The following ATRNL1 variants were observed in gnomAD, a reference collection of about 807,000 sequenced individuals.
The protein encoded by ATRNL1 is attractin-like protein 1.
ATRNL1 carries 95 observed loss-of-function variants against 182.7 expected under a neutral mutation model. The observed-to-expected ratio is 0.52, with a 90% CI of 0.44 to 0.62. ATRNL1 has a LOEUF of 0.62. Ranked by LOEUF, ATRNL1 falls within the 20% of genes least tolerant of loss-of-function variation. The probability of loss-of-function intolerance (pLI) is 0.00; values close to 1 mark genes in which losing one functional copy is unlikely to be tolerated. For synonymous variants in ATRNL1, 576 were observed against 568.3 expected (o/e 1.01, Z -0.19); for missense variants, 1,471 against 1,679.5 (o/e 0.88, Z 2.17).
At chr10:115,825,284 G>T (rs891831423) in intron 27 of ATRNL1, among the ~76,000 whole-genome samples, 2 of 152,088 alleles carry the variant, frequency 1.3e-5, no homozygotes, top group Non-Finnish European at 2.9e-5. Context: ...CCTGTCGGGG[G>T]TTGGGGGACT....
intron 28 of ATRNL1, among the ~76,000 whole-genome samples, chr10:115,852,381 G>C (rs1434219148): frequency 1.3e-5 from 2 of 152,150 alleles, no homozygotes; most frequent in Non-Finnish European, 2.9e-5. Context: ...TACTCATGGT[G>C]TCATGGATGT....
At chr10:115,611,273 G>A (rs1857144463) in intron 26 of ATRNL1, among the ~76,000 whole-genome samples, 1 of 152,010 alleles carries the variant, frequency 6.6e-6, no homozygotes, top group Non-Finnish European at 1.5e-5. Context: ...TTAATTATAA[G>A]TAGTATTTCG....
At chr10:115,633,665 C>T (rs1858668978) in intron 26 of ATRNL1, among the ~76,000 whole-genome samples, 1 of 152,076 alleles carries the variant, frequency 6.6e-6, no homozygotes, top group Admixed American at 6.6e-5. Context: ...GACTCCCAAA[C>T]CATCCTGTTT....
intron 8 of ATRNL1, among the ~76,000 whole-genome samples, chr10:115,207,719 T>C (rs1035693013): frequency 2.0e-5 from 3 of 152,046 alleles, no homozygotes; most frequent in Non-Finnish European, 2.9e-5. Flanking sequence ...TCCACTGTCC[T>C]CTGACTTGCA....
At chr10:115,188,776 G>A (rs1592232419) in intron 8 of ATRNL1, among the ~76,000 whole-genome samples, 1 of 151,744 alleles carries the variant, frequency 6.6e-6, no homozygotes, top group East Asian at 1.9e-4. Context: ...GTGTAAATTG[G>A]ACATTGATTT....
Position 115,519,294 on chromosome 10 carries a change from AC to A in ATRNL1, c.3688del (p.Val1231CysfsTer54). The A allele has an allele frequency of 6.2e-7, 1 of 1,610,366 alleles. No homozygotes were observed. Among genetic ancestry groups the A allele is most frequent in the Non-Finnish European group, 8.5e-7 (1 of 1,178,698 alleles). ...IAFSQHNTIM[D>X]LVQFFVTFFS... is the part of the protein sequence containing the mutation. ...TTCTCACAACACAATACAATCATGG[AC>A]CTTGTGCAGTTTTTTGTCACCTTCT... On this transcript the variant is annotated frameshift_variant, in exon 25 of 29. Coordinates refer to ENST00000355044, the MANE Select transcript of ATRNL1 (RefSeq NM_207303.4). LOFTEE classifies it high-confidence loss of function.
chr10:115,861,939 T>A (rs1327857879), intron 28 of ATRNL1, among the ~76,000 whole-genome samples: 1 of 152,072 alleles, frequency 6.6e-6, no homozygotes, highest in Non-Finnish European at 1.5e-5. Context: ...CCCCCATCTC[T>A]ACAAAAATTA....
At chr10:115,575,859 C>T (rs1854673961) in intron 26 of ATRNL1, among the ~76,000 whole-genome samples, 1 of 151,948 alleles carries the variant, frequency 6.6e-6, no homozygotes, top group South Asian at 2.1e-4. Context: ...GTCATCCTAC[C>T]TAACTTCAAG....
chr10:115,132,589 C>T (rs1554875517), intron 5 of ATRNL1, among the ~76,000 whole-genome samples: 2 of 152,062 alleles, frequency 1.3e-5, no homozygotes, highest in Non-Finnish European at 2.9e-5. Context: ...CTCTCCAGCA[C>T]CTGTTGTTTC....
chr10:115,479,132 G>A (rs1052815262), intron 24 of ATRNL1, among the ~76,000 whole-genome samples: 2 of 151,594 alleles, frequency 1.3e-5, no homozygotes, highest in Non-Finnish European at 3.0e-5. Flanking sequence ...TTATAAAGAT[G>A]TTTGAGGAAT....
Position 115,093,876 on chromosome 10 carries a change from G to T in ATRNL1, c.126G>T (p.Trp42Cys). ...ASSWLLDGNS[W>C]LLCYGFLYLA... ...CCTGGCTGCTGGACGGGAACAGCTG[G>T]CTGCTGTGCTATGGCTTCCTCTACC... is the stretch of plus-strand genomic sequence containing the variant. The change falls in exon 1 of 29, where the codon TGG (tryptophan) becomes TGT (cysteine). Residue 42 changes from tryptophan to cysteine, a missense_variant. By Grantham distance (215) the Trp-to-Cys change is radical (BLOSUM62 -2). Transcript: ENST00000355044. The surrounding 1 kb of genome is among the most constrained non-coding windows in gnomAD (Gnocchi z 6.1). 1 of 1,584,976 alleles carries T rather than the reference G, an allele frequency of 6.3e-7. No individual in the cohort carries two copies. The highest frequency in any genetic ancestry group is 8.6e-7 in the Non-Finnish European group (1 of 1,168,296).
At chr10:115,252,732 A>G (rs1231008684) in intron 10 of ATRNL1, among the ~76,000 whole-genome samples, 1 of 152,158 alleles carries the variant, frequency 6.6e-6, no homozygotes, top group African/African-American at 2.4e-5. Flanking sequence ...TATGGTACTG[A>G]GGAGACCCTC....
At chr10:115,685,231 G>T (rs2420102) in intron 26 of ATRNL1, among the ~76,000 whole-genome samples, 53,926 of 151,474 alleles carry the variant, frequency 0.36, 10,320 homozygotes, top group Admixed American at 0.53. Flanking sequence ...ATACCCTTTT[G>T]TAGCAAAATC....
At position 115,241,682 on chromosome 10, in the gene ATRNL1, C is replaced by T. The variant is rs41284362; in HGVS notation, c.1644C>T (p.Asn548=). The change falls in exon 10 of 29, where the codon AAC becomes AAT. Residue 548 remains asparagine (N), a synonymous_variant. Coordinates refer to ENST00000355044, the MANE Select transcript of ATRNL1 (RefSeq NM_207303.4). Reference sequence around the variant, plus strand: ...CCCATAATGACACTTCCTTGAGTAACGGTGCAAAATGTTTTTCTGCCGATT... The same window carrying T: ...CCCATAATGACACTTCCTTGAGTAATGGTGCAAAATGTTTTTCTGCCGATT... ...GNTHNDTSLS[N]GAKCFSADFL... 6.5e-5 allele frequency: 105 copies of T among 1,610,618 alleles called. No individual in the cohort carries two copies. The highest frequency in any genetic ancestry group is 1.0e-4 in the Admixed American group (6 of 59,936).
chr10:115,445,513 G>A (rs927379910), intron 21 of ATRNL1, among the ~76,000 whole-genome samples: 40 of 119,378 alleles, frequency 3.4e-4, no homozygotes, highest in African/African-American at 1.6e-3. Flanking sequence ...GTCCGTGTGT[G>A]TGTGTGTGTG....
At chr10:115,325,397 A>C (rs567880088) in intron 18 of ATRNL1, among the ~76,000 whole-genome samples, 1 of 152,244 alleles carries the variant, frequency 6.6e-6, no homozygotes, top group Non-Finnish European at 1.5e-5. Flanking sequence ...TTACTAATAT[A>C]CCATTTTCTT....
intron 8 of ATRNL1, among the ~76,000 whole-genome samples, chr10:115,204,112 A>G (rs1554893192): frequency 1.3e-5 from 2 of 151,988 alleles, no homozygotes; most frequent in African/African-American, 2.4e-5. Flanking sequence ...CATTGTTAGC[A>G]TATAAAAATG....
chr10:115,594,768 G>C (rs1334961289), intron 26 of ATRNL1, among the ~76,000 whole-genome samples: 1 of 152,150 alleles, frequency 6.6e-6, no homozygotes, highest in Non-Finnish European at 1.5e-5. Flanking sequence ...GCCTCCCAAA[G>C]TGGTGGAATT....
intron 26 of ATRNL1, among the ~76,000 whole-genome samples, chr10:115,662,393 G>C (rs1191230368): frequency 6.6e-6 from 1 of 152,110 alleles, no homozygotes; most frequent in African/African-American, 2.4e-5. Context: ...CATTGTGGAA[G>C]TCAGTGTGGC....
Sources: gnomAD v4.1 joint callset for allele counts (sites outside exome capture counted in the v4.1 genomes callset) on GRCh38, gnomAD v4.1.1 for gene constraint, Gnocchi (gnomAD v3.1) non-coding constraint, MANE v1.5 for transcripts, NCBI Gene and HGNC (gene_info 2026-07-23, HGNC 2026-07-21) for gene names.